The following EXOC4 variants were observed in gnomAD, a reference collection of about 807,000 sequenced individuals.
EXOC4 encodes the protein exocyst complex component 4.
EXOC4 carries 71 observed loss-of-function variants against 107.2 expected under a neutral mutation model. The observed-to-expected ratio is 0.66, with a 90% CI of 0.55 to 0.81. The LOEUF (loss-of-function observed/expected upper bound fraction) is 0.81, where lower values mean the gene tolerates loss of function less well. Among genes scored for constraint, EXOC4 ranks in the 30% least tolerant of loss-of-function variants. The probability of loss-of-function intolerance (pLI) is 0.00; values close to 1 mark genes in which losing one functional copy is unlikely to be tolerated. For missense variants in EXOC4, 1,108 were observed against 1,189.6 expected, an observed-to-expected ratio of 0.93 and a Z score of 1.01; for synonymous variants, 456 against 441.2, an observed-to-expected ratio of 1.03 and a Z score of -0.42.
In EXOC4 at chr7:133,394,120, A is replaced by C. The variant is rs1344176084; in HGVS notation, c.1182+19118A>C. ...GCAAGAGAAACCATTAATAATTGGG[A>C]CTGTCATAGTATTACTATTATATAG... On this transcript the variant is annotated intron_variant, in intron 7 of 17. Transcript: ENST00000253861. Among the ~76,000 whole-genome samples, 5 of 152,186 alleles carry C rather than the reference A, an allele frequency of 3.3e-5. No individual in the cohort carries two copies. In the East Asian group the frequency reaches 7.7e-4, roughly 23 times the overall value.
At chr7:133,801,512 G>A (rs900642319) in intron 10 of EXOC4, among the ~76,000 whole-genome samples, 1 of 152,146 alleles carries the variant, frequency 6.6e-6, no homozygotes. Context: ...TGTTAGATGG[G>A]TGCATCAACA....
At chr7:133,823,866 TATATATTA>T (rs1398905685) in intron 11 of EXOC4, among the ~76,000 whole-genome samples, 994 of 21,198 alleles carry the variant, frequency 0.047, 56 homozygotes, top group Non-Finnish European at 0.058. Flanking sequence ...TATATATATA[TATATATTA>T]TATATATATA....
intron 10 of EXOC4, among the ~76,000 whole-genome samples, chr7:133,640,105 G>T (rs1352246947): frequency 6.6e-6 from 1 of 152,004 alleles, no homozygotes; most frequent in Non-Finnish European, 1.5e-5. Flanking sequence ...TTTTACATGT[G>T]TATACATAAG....
At chr7:133,695,351 A>T (rs147291484) in intron 10 of EXOC4, among the ~76,000 whole-genome samples, 46 of 152,206 alleles carry the variant, frequency 3.0e-4, no homozygotes, top group African/African-American at 1.1e-3. Flanking sequence ...CATGTATTGT[A>T]GTTTCTTTAT....
intron 9 of EXOC4, among the ~76,000 whole-genome samples, chr7:133,570,206 C>T (rs536776736): frequency 7.6e-4 from 115 of 152,276 alleles, no homozygotes; most frequent in African/African-American, 2.5e-3. Flanking sequence ...TTTAGAGCCT[C>T]TGTACACTTT....
chr7:133,744,344 G>T (rs551880292), intron 10 of EXOC4, among the ~76,000 whole-genome samples: 1 of 152,172 alleles, frequency 6.6e-6, no homozygotes, highest in South Asian at 2.1e-4. Context: ...TCCTAAGTTT[G>T]TTAATCAAAA....
At chr7:133,682,933 T>C in intron 10 of EXOC4, among the ~76,000 whole-genome samples, 1 of 152,204 alleles carries the variant, frequency 6.6e-6, no homozygotes, top group East Asian at 1.9e-4. Flanking sequence ...GGATTTACCC[T>C]CTTGTGCTGA....
chr7:133,786,495 C>G (rs964863305), intron 10 of EXOC4, among the ~76,000 whole-genome samples: 1 of 152,158 alleles, frequency 6.6e-6, no homozygotes, highest in African/African-American at 2.4e-5. Flanking sequence ...AAAGCACGGC[C>G]CAGAACGTAA....
In EXOC4 at chr7:134,064,705, G is replaced by A. The variant is rs899439239; in HGVS notation, c.*177G>A. On this transcript the variant is annotated 3_prime_UTR_variant, in exon 18 of 18. Transcript: ENST00000253861. Reference sequence around the variant, plus strand: ...TTTCATATAAATGCTAAAGGAAGGCGACAGTACAGAGTGTTTTGGTTGAAC... The same window carrying A: ...TTTCATATAAATGCTAAAGGAAGGCAACAGTACAGAGTGTTTTGGTTGAAC... 103 of 456,966 alleles carry A rather than the reference G, an allele frequency of 2.3e-4. No homozygotes were observed. Among genetic ancestry groups the A allele is most frequent in the Non-Finnish European group, 3.3e-4 (86 of 257,716 alleles). The allele number at this position is 456,966 out of a possible 1,614,324, so 28.3% of individuals were successfully genotyped here. A position where few individuals can be genotyped will look rare whatever the true frequency, so the allele number is the denominator to read the frequency against.
intron 5 of EXOC4, among the ~76,000 whole-genome samples, chr7:133,351,290 T>C (rs1004760743): frequency 1.3e-5 from 2 of 152,052 alleles, no homozygotes; most frequent in African/African-American, 4.8e-5. Flanking sequence ...TTTAAATGTT[T>C]GGTAGAATTG....
intron 9 of EXOC4, among the ~76,000 whole-genome samples, chr7:133,519,587 TAC>T (rs1277515996): frequency 2.0e-5 from 3 of 151,918 alleles, no homozygotes; most frequent in Non-Finnish European, 4.4e-5. Context: ...AACCATGAGA[TAC>T]AGTTATTTAA....
intron 5 of EXOC4, among the ~76,000 whole-genome samples, chr7:133,340,182 C>A (rs1795625355): frequency 6.6e-6 from 1 of 152,076 alleles, no homozygotes; most frequent in Non-Finnish European, 1.5e-5. Flanking sequence ...AAGGCATTTC[C>A]TTTGTATGCT....
intron 3 of EXOC4, among the ~76,000 whole-genome samples, chr7:133,303,827 C>G (rs1794694587): frequency 1.3e-5 from 2 of 152,210 alleles, no homozygotes; most frequent in African/African-American, 2.4e-5. Flanking sequence ...GGAACACTTA[C>G]TGAAATTGCT....
chr7:134,075,729 G>A, the EXOC4 span, among the ~76,000 whole-genome samples: 227 of 152,242 alleles, frequency 1.5e-3, 1 homozygote, highest in Non-Finnish European at 2.3e-3. Flanking sequence ...GTGGTACCAT[G>A]GGATTAGGTG....
intron 13 of EXOC4, among the ~76,000 whole-genome samples, chr7:133,921,563 T>C (rs1799937020): frequency 6.6e-6 from 1 of 152,220 alleles, no homozygotes; most frequent in African/African-American, 2.4e-5. Context: ...ATAATTCTTA[T>C]CCTTGTTCCT....
intron 9 of EXOC4, among the ~76,000 whole-genome samples, chr7:133,548,428 C>G (rs1175437527): frequency 6.6e-6 from 1 of 152,200 alleles, no homozygotes; most frequent in Non-Finnish European, 1.5e-5. Context: ...TCCTTTGAAG[C>G]TTTGAAGCCA....
intron 9 of EXOC4, among the ~76,000 whole-genome samples, chr7:133,610,814 CT>C (rs67695705): frequency 0.031 from 4,363 of 139,564 alleles, 73 homozygotes; most frequent in Non-Finnish European, 0.045. Context: ...TTCTTTTTTA[CT>C]TTTTTTTTTT....
chr7:133,636,778 A>G (rs1802722703), intron 10 of EXOC4, among the ~76,000 whole-genome samples: 1 of 152,194 alleles, frequency 6.6e-6, no homozygotes, highest in East Asian at 1.9e-4. Flanking sequence ...GGTAGAGCAA[A>G]AAGTGAAATA....
intron 10 of EXOC4, among the ~76,000 whole-genome samples, chr7:133,758,664 A>G (rs559200272): frequency 2.3e-4 from 35 of 152,296 alleles, no homozygotes; most frequent in Middle Eastern, 3.4e-3. Flanking sequence ...TCGAGAATGC[A>G]TATATATTTT....
Sources: allele counts gnomAD v4.1 joint callset (sites outside exome capture counted in the v4.1 genomes callset), GRCh38; gene constraint gnomAD v4.1.1; transcripts MANE v1.5; gene names NCBI Gene and HGNC (gene_info 2026-07-23, HGNC 2026-07-21).